The following PACRG variants were observed in gnomAD, a reference collection of about 807,000 sequenced individuals.
PACRG encodes parkin coregulated gene protein.
In PACRG, 29 loss-of-function variants were observed where a neutral mutation model predicts 29.7. The ratio of observed to expected loss-of-function variants is 0.98; its 90% CI spans 0.73 to 1.33. PACRG has a LOEUF of 1.33. PACRG is among the 40% of genes most tolerant of loss of function. PACRG has a pLI of 0.00. For synonymous variants in PACRG, 116 were observed against 118.7 expected (o/e 0.98, Z 0.15); for missense variants, 279 against 316.2 (o/e 0.88, Z 0.89).
intron 2 of PACRG, chr6:163,053,940 C>T (rs927090078): frequency 5.9e-5 from 9 of 152,140 alleles, no homozygotes; most frequent in Non-Finnish European, 8.8e-5. Flanking sequence ...GTGTGCCCAG[C>T]ACTCTTCTAG....
At chr6:163,013,862 GT>G (rs58154540) in intron 2 of PACRG, among the ~76,000 whole-genome samples, 17,585 of 144,654 alleles carry the variant, frequency 0.12, 3,200 homozygotes, top group African/African-American at 0.4. Flanking sequence ...AGTTTTTGAG[GT>G]TTTTTTTTTT....
intron 4 of PACRG, among the ~76,000 whole-genome samples, chr6:163,219,122 A>G (rs1359846288): frequency 1.3e-5 from 2 of 152,166 alleles, no homozygotes; most frequent in African/African-American, 2.4e-5. Context: ...TGTATGTCCA[A>G]CCGCCGCCTC....
At position 162,988,023 on chromosome 6, in the gene PACRG, C is replaced by G. The variant is rs115214735; in HGVS notation, c.292-74127C>G. Among the ~76,000 whole-genome samples the G allele has an allele frequency of 6.9e-3, 1,044 of 152,270 alleles. 16 individuals carry two copies. Among genetic ancestry groups the G allele is most frequent in the African/African-American group, 0.024 (984 of 41,536 alleles). The stretch of plus-strand genomic sequence containing the variant: ...GGTGGTGGCACATTCAAGAGAACAC[C>G]AGTTTTGCACCCGTCTCATGGAATT... On this transcript the variant is annotated intron_variant, in intron 2 of 4. Transcript: ENST00000366888.
chr6:163,054,808 T>G (rs1810401090), intron 2 of PACRG, among the ~76,000 whole-genome samples: 1 of 152,108 alleles, frequency 6.6e-6, no homozygotes, highest in African/African-American at 2.4e-5. Context: ...GGCTACTCCC[T>G]GCGGCAAATG....
intron 2 of PACRG, among the ~76,000 whole-genome samples, chr6:162,924,300 GT>G (rs1480486828): frequency 6.6e-6 from 1 of 151,894 alleles, no homozygotes; most frequent in Non-Finnish European, 1.5e-5. Flanking sequence ...GAGTTTTAAT[GT>G]TTTTCTATAT....
chr6:163,243,946 AGAGT>A (rs1306962189), intron 4 of PACRG, among the ~76,000 whole-genome samples: 1 of 152,258 alleles, frequency 6.6e-6, no homozygotes, highest in Non-Finnish European at 1.5e-5. Flanking sequence ...GTAGTCAAAC[AGAGT>A]AAGCAGAGAC....
intron 2 of PACRG, among the ~76,000 whole-genome samples, chr6:162,922,188 G>A (rs1402304683): frequency 6.6e-6 from 1 of 150,864 alleles, no homozygotes; most frequent in African/African-American, 2.4e-5. Context: ...TAACTGCAGA[G>A]GGAGCAGTGC....
intron 4 of PACRG, among the ~76,000 whole-genome samples, chr6:163,121,830 T>C (rs922974799): frequency 4.6e-5 from 7 of 151,456 alleles, no homozygotes; most frequent in Admixed American, 4.6e-4. Context: ...GCCTGGCTAA[T>C]TTTTTGTATT....
At chr6:163,185,590 G>A (rs997520611) in intron 4 of PACRG, among the ~76,000 whole-genome samples, 1 of 152,138 alleles carries the variant, frequency 6.6e-6, no homozygotes, top group African/African-American at 2.4e-5. Flanking sequence ...CAATATAAAT[G>A]GTGGCCCTGC....
intron 4 of PACRG, among the ~76,000 whole-genome samples, chr6:163,226,083 T>C (rs562927547): frequency 5.9e-5 from 9 of 152,302 alleles, no homozygotes; most frequent in African/African-American, 2.2e-4. Flanking sequence ...TGGAGGACAT[T>C]ATGCTAAGTG....
At chr6:163,179,707 CAAA>C (rs200887172) in intron 4 of PACRG, among the ~76,000 whole-genome samples, 3 of 103,902 alleles carry the variant, frequency 2.9e-5, no homozygotes, top group African/African-American at 6.1e-5. Flanking sequence ...AGATCTGTCT[CAAA>C]AAAAAAAAAA....
intron 2 of PACRG, among the ~76,000 whole-genome samples, chr6:162,951,374 G>A (rs1411440913): frequency 6.6e-6 from 1 of 152,210 alleles, no homozygotes; most frequent in East Asian, 1.9e-4. Context: ...TGATACAGCT[G>A]AGCCCAGATT....
chr6:162,933,924 G>A (rs903842720), intron 2 of PACRG, among the ~76,000 whole-genome samples: 1 of 152,120 alleles, frequency 6.6e-6, no homozygotes, highest in Non-Finnish European at 1.5e-5. Flanking sequence ...GGGAAGGGAG[G>A]TGCTAAGCTG....
At chr6:162,986,507 C>T (rs538864100) in intron 2 of PACRG, among the ~76,000 whole-genome samples, 26 of 152,214 alleles carry the variant, frequency 1.7e-4, no homozygotes, top group South Asian at 8.3e-4. Context: ...TGGCAAGCCA[C>T]ATGTAGAAAA....
At chr6:163,122,374 A>C (rs1188363942) in intron 4 of PACRG, among the ~76,000 whole-genome samples, 1 of 151,884 alleles carries the variant, frequency 6.6e-6, no homozygotes, top group Non-Finnish European at 1.5e-5. Flanking sequence ...ACCCCTCCGA[A>C]TCGCTTGTTG....
At chr6:162,955,847 G>A (rs1290417246) in intron 2 of PACRG, among the ~76,000 whole-genome samples, 6 of 152,114 alleles carry the variant, frequency 3.9e-5, no homozygotes, top group African/African-American at 9.7e-5. Context: ...GGTCCTTTCC[G>A]TACTGCTTCC....
chr6:163,073,032 G>A (rs943572604), intron 3 of PACRG, among the ~76,000 whole-genome samples: 2 of 151,970 alleles, frequency 1.3e-5, no homozygotes, highest in East Asian at 3.9e-4. Context: ...ACTACCCAAA[G>A]CAATCTACAG....
At chr6:163,021,130 A>G (rs1230122862) in intron 2 of PACRG, among the ~76,000 whole-genome samples, 1 of 152,084 alleles carries the variant, frequency 6.6e-6, no homozygotes, top group Non-Finnish European at 1.5e-5. Flanking sequence ...ATTCTCTCCC[A>G]AGTTCCAAAG....
At chr6:163,110,091 G>C (rs932915205) in intron 4 of PACRG, among the ~76,000 whole-genome samples, 21 of 152,126 alleles carry the variant, frequency 1.4e-4, no homozygotes, top group African/African-American at 4.6e-4. Context: ...AGAAATCCAG[G>C]GGAAAGAAGA....
Sources: gnomAD v4.1 joint callset for allele counts (sites outside exome capture counted in the v4.1 genomes callset) on GRCh38, gnomAD v4.1.1 for gene constraint, MANE v1.5 for transcripts, NCBI Gene and HGNC (gene_info 2026-07-23, HGNC 2026-07-21) for gene names.